SUSD4: variants seen among roughly 807,000 people sequenced by gnomAD.
SUSD4 encodes sushi domain-containing protein 4.
Under a neutral mutation model 50.5 loss-of-function variants are expected in SUSD4, and 41 were observed. The ratio of observed to expected loss-of-function variants is 0.81; its 90% CI spans 0.63 to 1.05. The LOEUF (loss-of-function observed/expected upper bound fraction) is 1.05, where lower values mean the gene tolerates loss of function less well. SUSD4 is among the 50% of genes least tolerant of loss of function. SUSD4 has a pLI of 0.00. For synonymous variants in SUSD4, 257 were observed against 257.3 expected (o/e 1.00, Z 0.01); for missense variants, 580 against 634.7 (o/e 0.91, Z 0.93).
intron 2 of SUSD4, among the ~76,000 whole-genome samples, chr1:223,312,381 C>G (rs1665930497): frequency 6.6e-6 from 1 of 152,180 alleles, no homozygotes; most frequent in African/African-American, 2.4e-5. Context: ...TGTATCAAAT[C>G]ACTCACTCGG....
At chr1:223,363,166 T>A in intron 2 of SUSD4, 112 bp downstream of exon 2, 1 of 1,247,400 alleles carries the variant, frequency 8.0e-7, no homozygotes, top group Non-Finnish European at 1.0e-6. Context: ...CGTTGTCAGA[T>A]CCTCCTGAAG....
intron 3 of SUSD4, among the ~76,000 whole-genome samples, chr1:223,291,430 A>T (rs542118077): frequency 7.2e-6 from 1 of 139,408 alleles, no homozygotes; most frequent in African/African-American, 2.7e-5. Flanking sequence ...TGGAGGTTGC[A>T]GTGAGCCAAG....
chr1:223,274,372 T>G (rs1052715983), intron 3 of SUSD4, among the ~76,000 whole-genome samples: 3 of 152,202 alleles, frequency 2.0e-5, no homozygotes, highest in African/African-American at 7.2e-5. Flanking sequence ...CACCACCATG[T>G]GGGATAGTTT....
intron 5 of SUSD4, among the ~76,000 whole-genome samples, chr1:223,240,281 G>C (rs1384542704): frequency 6.6e-6 from 1 of 151,932 alleles, no homozygotes; most frequent in African/African-American, 2.4e-5. Flanking sequence ...TTTGTTTTCT[G>C]TTTGTTTTGC....
At chr1:223,325,943 G>C (rs770091474) in intron 2 of SUSD4, among the ~76,000 whole-genome samples, 25 of 152,142 alleles carry the variant, frequency 1.6e-4, no homozygotes, top group Non-Finnish European at 2.9e-4. Context: ...TGACTACACT[G>C]CCCAAAGCAA....
rs545177681 is a variant in SUSD4, at chr1:223,323,157, G to A, written c.149-30506C>T. Reference sequence around the variant, plus strand: ...GGCTGATCTCACAATGACGGAGGGTGAAGGGAGTGAGGGAGAGTGACAAAA... The same window carrying A: ...GGCTGATCTCACAATGACGGAGGGTAAAGGGAGTGAGGGAGAGTGACAAAA... On this transcript the variant is annotated intron_variant, in intron 2 of 8. Transcript: ENST00000366878. Among the ~76,000 whole-genome samples the A allele has an allele frequency of 4.1e-4, 62 of 151,972 alleles. 1 individual carries two copies. The South Asian group carries it at 0.013, about 31-fold the overall frequency.
At chr1:223,344,790 G>A (rs1667941414) in intron 2 of SUSD4, among the ~76,000 whole-genome samples, 1 of 152,160 alleles carries the variant, frequency 6.6e-6, no homozygotes, top group African/African-American at 2.4e-5. Context: ...AACATGATAT[G>A]TACACGTGGA....
At chr1:223,357,609 G>C (rs534756195) in intron 2 of SUSD4, among the ~76,000 whole-genome samples, 11 of 152,256 alleles carry the variant, frequency 7.2e-5, no homozygotes, top group African/African-American at 2.2e-4. Context: ...TATCCACAAA[G>C]TGTGGAAAAC....
At chr1:223,287,733 C>T (rs1028502864) in intron 3 of SUSD4, among the ~76,000 whole-genome samples, 2 of 152,128 alleles carry the variant, frequency 1.3e-5, no homozygotes, top group South Asian at 4.1e-4. Context: ...CTGAAGTTTA[C>T]TTGAAACCAA....
chr1:223,259,987 C>G (rs1661986956), intron 5 of SUSD4, among the ~76,000 whole-genome samples: 1 of 152,112 alleles, frequency 6.6e-6, no homozygotes, highest in African/African-American at 2.4e-5. Context: ...CCCCAAGGCT[C>G]AAGTGGAGAC....
chr1:223,250,583 G>A (rs1661235016), intron 5 of SUSD4, among the ~76,000 whole-genome samples: 1 of 152,184 alleles, frequency 6.6e-6, no homozygotes, highest in African/African-American at 2.4e-5. Context: ...TCATGCCATG[G>A]GGTTTTAAGT....
At chr1:223,327,036 T>A (rs560969027) in intron 2 of SUSD4, among the ~76,000 whole-genome samples, 1 of 152,314 alleles carries the variant, frequency 6.6e-6, no homozygotes, top group African/African-American at 2.4e-5. Context: ...AAAAGACACT[T>A]GTACATGTAT....
At chr1:223,298,633 CTT>C (rs1664990947) in intron 2 of SUSD4, among the ~76,000 whole-genome samples, 1 of 152,170 alleles carries the variant, frequency 6.6e-6, no homozygotes, top group Non-Finnish European at 1.5e-5. Flanking sequence ...ATCCCCCACT[CTT>C]TGCCATAAAG....
chr1:223,260,038 A>G (rs1661991041), intron 5 of SUSD4, among the ~76,000 whole-genome samples: 1 of 152,192 alleles, frequency 6.6e-6, no homozygotes, highest in Non-Finnish European at 1.5e-5. Context: ...TCTGGGGAAA[A>G]TAAACAAAAA....
chr1:223,290,450 AAAT>A (rs1228719483), intron 3 of SUSD4, among the ~76,000 whole-genome samples: 1 of 152,236 alleles, frequency 6.6e-6, no homozygotes, highest in Admixed American at 6.5e-5. Flanking sequence ...TTCAAATTAA[AAAT>A]AAATACACCA....
In SUSD4 at chr1:223,320,483, G is replaced by A. The variant is rs895847303; in HGVS notation, c.149-27832C>T. On this transcript the variant is annotated intron_variant, in intron 2 of 8. Transcript: ENST00000366878. ...ATACCCTGGGTGGTTGTGTCCCTCC[G>A]CTTCTCGGGGTGTTGCACAGAGGCC... is the stretch of plus-strand genomic sequence containing the variant. Among the ~76,000 whole-genome samples the A allele has an allele frequency of 6.6e-5, 10 of 152,026 alleles. 1 individual carries two copies. Among genetic ancestry groups the A allele is most frequent in the Admixed American group, 4.6e-4 (7 of 15,262 alleles).
At chr1:223,295,053 T>G (rs1664735233) in intron 2 of SUSD4, among the ~76,000 whole-genome samples, 2 of 152,178 alleles carry the variant, frequency 1.3e-5, no homozygotes, top group Admixed American at 6.5e-5. Flanking sequence ...AAACATATAT[T>G]CACGATGGTA....
chr1:223,252,674 T>C (rs1484060556), intron 5 of SUSD4, among the ~76,000 whole-genome samples: 2 of 152,142 alleles, frequency 1.3e-5, no homozygotes, highest in East Asian at 1.9e-4. Context: ...TTGTGATAGC[T>C]TGAACTAAGG....
intron 2 of SUSD4, among the ~76,000 whole-genome samples, chr1:223,301,950 G>A (rs1022936068): frequency 3.3e-5 from 5 of 152,040 alleles, no homozygotes; most frequent in Admixed American, 1.3e-4. Context: ...GTTTGGCTCC[G>A]TGTCCCCACC....
Sources: allele counts gnomAD v4.1 joint callset (sites outside exome capture counted in the v4.1 genomes callset), GRCh38; gene constraint gnomAD v4.1.1; transcripts MANE v1.5; gene names NCBI Gene and HGNC (gene_info 2026-07-23, HGNC 2026-07-21).